EPC1: variants seen among roughly 807,000 people sequenced by gnomAD.
EPC1 encodes the protein enhancer of polycomb homolog 1.
In EPC1, 12 loss-of-function variants were observed where a neutral mutation model predicts 98.4. That is an observed-to-expected ratio of 0.12 (90% CI 0.08 to 0.20). The LOEUF (loss-of-function observed/expected upper bound fraction) is 0.20. Among genes scored for constraint, EPC1 ranks in the 10% least tolerant of loss-of-function variants. The probability of loss-of-function intolerance (pLI) is 1.00; values close to 1 mark genes in which losing one functional copy is unlikely to be tolerated. For missense variants in EPC1, 729 were observed against 990.5 expected (o/e 0.74, Z 3.54); for synonymous variants, 357 against 363.9 (o/e 0.98, Z 0.21).
At chr10:32,368,783 T>A (rs1414788132) in intron 1 of EPC1, among the ~76,000 whole-genome samples, 1 of 152,202 alleles carries the variant, frequency 6.6e-6, no homozygotes, top group African/African-American at 2.4e-5. Flanking sequence ...ATCTCTGAAA[T>A]CAGGTTTGTC....
intron 1 of EPC1, among the ~76,000 whole-genome samples, chr10:32,359,050 C>G (rs1270339108): frequency 6.6e-6 from 1 of 152,196 alleles, no homozygotes; most frequent in Non-Finnish European, 1.5e-5. Flanking sequence ...CCAAAGTTCT[C>G]TGACCATAGA....
intron 1 of EPC1, among the ~76,000 whole-genome samples, chr10:32,339,350 T>C (rs953597617): frequency 6.6e-6 from 1 of 152,112 alleles, no homozygotes; most frequent in Admixed American, 6.5e-5. Context: ...GCCTTACATC[T>C]AGTAACTCCG....
chr10:32,324,716 G>A (rs532171808), intron 1 of EPC1, among the ~76,000 whole-genome samples: 16 of 151,918 alleles, frequency 1.1e-4, no homozygotes, highest in South Asian at 6.2e-4. Context: ...CATTTTAGCC[G>A]GGCGCGGTGG....
chr10:32,269,274 A>G, intron 13 of EPC1, 139 bp from the exon 14 acceptor site: 1 of 624,998 alleles, frequency 1.6e-6, no homozygotes, highest in Non-Finnish European at 2.8e-6. Context: ...AAGTAGAGGA[A>G]TACGAATCTT....
chr10:32,367,396 T>C (rs1839632360), intron 1 of EPC1, among the ~76,000 whole-genome samples: 1 of 152,230 alleles, frequency 6.6e-6, no homozygotes, highest in Admixed American at 6.5e-5. Flanking sequence ...TAGTAAGAGA[T>C]GAATTTCACT....
At chr10:32,341,981 A>C (rs1321751497) in intron 1 of EPC1, among the ~76,000 whole-genome samples, 2 of 152,244 alleles carry the variant, frequency 1.3e-5, no homozygotes, top group African/African-American at 4.8e-5. Flanking sequence ...CACTTCCAGA[A>C]TTATTTCCAC....
intron 1 of EPC1, among the ~76,000 whole-genome samples, chr10:32,355,273 C>T (rs778216681): frequency 2.6e-5 from 4 of 152,082 alleles, no homozygotes; most frequent in Non-Finnish European, 5.9e-5. Flanking sequence ...TGGTGGGATG[C>T]GTGAACAGGA....
At chr10:32,295,579 G>A (rs1003810536) in intron 2 of EPC1, among the ~76,000 whole-genome samples, 2 of 152,078 alleles carry the variant, frequency 1.3e-5, no homozygotes, top group African/African-American at 4.8e-5. Context: ...TCATTATTAC[G>A]TAAACAGCTT....
chr10:32,323,531 A>T (rs1352849257), intron 1 of EPC1, among the ~76,000 whole-genome samples: 1 of 152,236 alleles, frequency 6.6e-6, no homozygotes, highest in East Asian at 1.9e-4. Flanking sequence ...GAGTCTTATC[A>T]AATAGGAAGG....
At chr10:32,367,318 T>C (rs1032830655) in intron 1 of EPC1, among the ~76,000 whole-genome samples, 2 of 152,196 alleles carry the variant, frequency 1.3e-5, no homozygotes, top group Non-Finnish European at 2.9e-5. Context: ...ATGTAAAGAC[T>C]GGCATGAGCC....
intron 2 of EPC1, among the ~76,000 whole-genome samples, chr10:32,301,257 A>G (rs538760774): frequency 6.6e-6 from 1 of 152,222 alleles, no homozygotes; most frequent in South Asian, 2.1e-4. Flanking sequence ...TGAAAATTAT[A>G]AAGTGTCAAT....
At position 32,287,390 on chromosome 10, in the gene EPC1, A is replaced by G. The variant is rs568339560; in HGVS notation, c.976-116T>C. 1.5e-5 allele frequency: 15 copies of G among 1,002,486 alleles called. No individual in the cohort carries two copies. In the Admixed American group the frequency reaches 2.0e-4, roughly 13 times the overall value. The allele number at this position is 1,002,486 out of a possible 1,614,324, so 62.1% of individuals were successfully genotyped here. A position where few individuals can be genotyped will look rare whatever the true frequency, so the allele number is the denominator to read the frequency against. On this transcript the variant is annotated intron_variant, in intron 6 of 13. Coordinates refer to ENST00000319778, the MANE Select transcript of EPC1 (RefSeq NM_001272004.3). The stretch of plus-strand genomic sequence containing the variant: ...TATAATGAGGGCATTCATATTCATA[A>G]GAGACACAACACTCTATGTTTGGCC...
chr10:32,346,248 G>A (rs1475609798), intron 1 of EPC1, among the ~76,000 whole-genome samples: 3 of 152,194 alleles, frequency 2.0e-5, no homozygotes, highest in Non-Finnish European at 2.9e-5. Context: ...AAGCTTCCCA[G>A]ACCATGGGGC....
At chr10:32,366,060 G>A (rs9417048) in intron 1 of EPC1, among the ~76,000 whole-genome samples, 90,390 of 151,702 alleles carry the variant, frequency 0.6, 27,312 homozygotes, top group East Asian at 0.69. Flanking sequence ...TTGAACCCGG[G>A]AAGAGGAGGT....
intron 6 of EPC1, among the ~76,000 whole-genome samples, chr10:32,290,337 GC>G (rs2132721804): frequency 6.6e-6 from 1 of 151,736 alleles, no homozygotes; most frequent in East Asian, 2.0e-4. Context: ...ACAAAAATTA[GC>G]CCAGCATGGT....
At chr10:32,358,231 A>G (rs539002091) in intron 1 of EPC1, among the ~76,000 whole-genome samples, 13 of 152,346 alleles carry the variant, frequency 8.5e-5, no homozygotes, top group Non-Finnish European at 1.8e-4. Context: ...AAAGATACTT[A>G]TCTAGCATCT....
chr10:32,377,535 T>C (rs1251181970), intron 1 of EPC1: 1 of 152,240 alleles, frequency 6.6e-6, no homozygotes, highest in Non-Finnish European at 1.5e-5. Flanking sequence ...CTGTCCCTGA[T>C]GTTCCCTCGG....
chr10:32,359,887 A>T (rs961365608), intron 1 of EPC1, among the ~76,000 whole-genome samples: 1 of 152,014 alleles, frequency 6.6e-6, no homozygotes, highest in African/African-American at 2.4e-5. Context: ...TGTTTGTATC[A>T]TTAGTAGTTT....
chr10:32,307,635 T>G (rs1835951291), intron 1 of EPC1, among the ~76,000 whole-genome samples: 1 of 152,132 alleles, frequency 6.6e-6, no homozygotes, highest in Admixed American at 6.5e-5. Context: ...GTATATGGGG[T>G]GGGGAAAACA....
Sources: allele counts gnomAD v4.1 joint callset (sites outside exome capture counted in the v4.1 genomes callset), GRCh38; gene constraint gnomAD v4.1.1; transcripts MANE v1.5; gene names NCBI Gene and HGNC (gene_info 2026-07-23, HGNC 2026-07-21).